The following RDX variants were observed in gnomAD, a reference collection of about 807,000 sequenced individuals.
RDX encodes the protein deafness, autosomal recessive 24.
RDX carries 32 observed loss-of-function variants against 83.7 expected under a neutral mutation model. That is an observed-to-expected ratio of 0.38 (90% CI 0.29 to 0.51). RDX has a LOEUF of 0.51. Among genes scored for constraint, RDX ranks in the 20% least tolerant of loss-of-function variants. RDX has a pLI of 0.87. For missense variants in RDX, 600 were observed against 689.9 expected (o/e 0.87, Z 1.46); for synonymous variants, 229 against 222.7 (o/e 1.03, Z -0.25).
intron 5 of RDX, among the ~76,000 whole-genome samples, chr11:110,258,867 C>CTTTTTTTTT (rs11421586): frequency 8.5e-5 from 8 of 94,612 alleles, no homozygotes; most frequent in East Asian, 3.1e-4. Flanking sequence ...CAAATACATT[C>CTTTTTTTTT]TTTTTTTTTT....
At chr11:110,293,291 C>A (rs973834135) in intron 1 of RDX, among the ~76,000 whole-genome samples, 5 of 152,174 alleles carry the variant, frequency 3.3e-5, no homozygotes, top group African/African-American at 1.2e-4. Context: ...GGGAAAGGGG[C>A]TGGGGTGTTC....
At chr11:110,195,136 A>G (rs1036084412) in intron 15 of RDX, among the ~76,000 whole-genome samples, 2 of 152,026 alleles carry the variant, frequency 1.3e-5, no homozygotes, top group African/African-American at 4.8e-5. Flanking sequence ...GATTACAGGC[A>G]CACACCACCA....
chr11:110,264,605 TG>T (rs1156690737), intron 4 of RDX, among the ~76,000 whole-genome samples, 173 bp downstream of exon 4: 21 of 151,572 alleles, frequency 1.4e-4, no homozygotes, highest in Non-Finnish European at 1.9e-4. Context: ...TTTTTTTTTT[TG>T]AGATGATAAG....
At chr11:110,218,743 T>A (rs1864145577) in intron 14 of RDX, among the ~76,000 whole-genome samples, 1 of 152,202 alleles carries the variant, frequency 6.6e-6, no homozygotes, top group Non-Finnish European at 1.5e-5. Flanking sequence ...TTCCAGAAAC[T>A]TTCCTATCTT....
intron 3 of RDX, among the ~76,000 whole-genome samples, chr11:110,265,121 T>G (rs1351340020): frequency 6.6e-6 from 1 of 151,080 alleles, no homozygotes; most frequent in Non-Finnish European, 1.5e-5. Flanking sequence ...TTTTTTTTTT[T>G]TTGTTCTTGT....
chr11:110,222,781 C>A (rs1420498591), intron 14 of RDX, among the ~76,000 whole-genome samples: 2 of 152,038 alleles, frequency 1.3e-5, no homozygotes, highest in Non-Finnish European at 2.9e-5. Flanking sequence ...GCCTGGGCGA[C>A]AGAGCCAGAC....
At chr11:110,227,768 G>C (rs988321704), downstream of RDX, among the ~76,000 whole-genome samples, 1 of 152,160 alleles carries the variant, frequency 6.6e-6, no homozygotes. Flanking sequence ...CATTAAATAA[G>C]AACCCGGAGC....
intron 3 of RDX, among the ~76,000 whole-genome samples, chr11:110,270,102 T>G (rs1366630331): frequency 6.6e-6 from 1 of 152,122 alleles, no homozygotes; most frequent in Non-Finnish European, 1.5e-5. Context: ...ATTTACAATA[T>G]GAACTGTGTG....
intron 14 of RDX, among the ~76,000 whole-genome samples, chr11:110,207,060 C>T (rs1413041997): frequency 6.6e-6 from 1 of 152,144 alleles, no homozygotes; most frequent in Non-Finnish European, 1.5e-5. Context: ...GTAACCTCCA[C>T]CTCCTGAGGT....
At position 110,230,735 on chromosome 11, in the gene RDX, G is replaced by A. The variant is rs1381048611; in HGVS notation, c.*1134C>T. The A allele has an allele frequency of 1.3e-5, 2 of 152,446 alleles. No homozygotes were observed. Among genetic ancestry groups the A allele is most frequent in the African/African-American group, 4.8e-5 (2 of 41,376 alleles). 9.4% of individuals were successfully genotyped at this position (152,446 alleles called of 1,614,324 possible). A position where few individuals can be genotyped will look rare whatever the true frequency, so the allele number is the denominator to read the frequency against. The stretch of plus-strand genomic sequence containing the variant: ...ATCCCACAGTTTGACTCGACAAAAA[G>A]GCAGTTAAAAATTTAGCACTCTTAA... On this transcript the variant is annotated 3_prime_UTR_variant, in exon 14 of 14. Coordinates refer to ENST00000645495, the MANE Select transcript of RDX (RefSeq NM_002906.4).
intron 14 of RDX, among the ~76,000 whole-genome samples, chr11:110,219,202 G>GT (rs1236078152): frequency 2.0e-5 from 3 of 152,262 alleles, no homozygotes; most frequent in Non-Finnish European, 4.4e-5. Flanking sequence ...CAATATCTGG[G>GT]AAAGTGTCTT....
intron 3 of RDX, among the ~76,000 whole-genome samples, chr11:110,266,582 T>C (rs1382093997): frequency 6.6e-6 from 1 of 152,030 alleles, no homozygotes; most frequent in Non-Finnish European, 1.5e-5. Context: ...ATTTTTTTTT[T>C]TTAAAGACAG....
chr11:110,249,436 A>G (rs549335092), intron 9 of RDX, among the ~76,000 whole-genome samples: 2 of 152,294 alleles, frequency 1.3e-5, no homozygotes, highest in South Asian at 4.1e-4. Context: ...TTTGCCCCTA[A>G]AACAGAAAGA....
At chr11:110,183,817 C>T (rs1004905469) in intron 15 of RDX, among the ~76,000 whole-genome samples, 4 of 152,230 alleles carry the variant, frequency 2.6e-5, no homozygotes, top group Non-Finnish European at 4.4e-5. Flanking sequence ...TGATTGTTTT[C>T]CCCAGAGTTG....
chr11:110,283,058 A>C (rs1406600162), intron 1 of RDX, among the ~76,000 whole-genome samples: 3 of 152,218 alleles, frequency 2.0e-5, no homozygotes, highest in Non-Finnish European at 4.4e-5. Flanking sequence ...GAATGAAAAG[A>C]CCAGAATGAT....
intron 3 of RDX, among the ~76,000 whole-genome samples, chr11:110,269,537 A>G (rs1024278422): frequency 2.0e-5 from 3 of 152,218 alleles, no homozygotes; most frequent in Admixed American, 6.5e-5. Context: ...CTCTCATTTT[A>G]GAGGACCCAG....
chr11:110,218,943 T>C (rs1425376960), intron 14 of RDX, among the ~76,000 whole-genome samples: 1 of 152,158 alleles, frequency 6.6e-6, no homozygotes, highest in Non-Finnish European at 1.5e-5. Flanking sequence ...GCCCTGGGCA[T>C]ATACCAGTGT....
chr11:110,175,523 G>A (rs1246131527), intron 15 of RDX, among the ~76,000 whole-genome samples: 1 of 152,228 alleles, frequency 6.6e-6, no homozygotes, highest in Non-Finnish European at 1.5e-5. Flanking sequence ...CTGAAAGAAT[G>A]GCAAGTACAA....
At chr11:110,235,284 G>GA (rs1342454335) in intron 12 of RDX, among the ~76,000 whole-genome samples, 2 of 152,106 alleles carry the variant, frequency 1.3e-5, no homozygotes, top group Admixed American at 1.3e-4. Flanking sequence ...AAGCTGCAAT[G>GA]AATTATGATT....
Sources: allele counts gnomAD v4.1 joint callset (sites outside exome capture counted in the v4.1 genomes callset), GRCh38; gene constraint gnomAD v4.1.1; transcripts MANE v1.5; gene names NCBI Gene and HGNC (gene_info 2026-07-23, HGNC 2026-07-21).